MYO1F: variants seen among roughly 807,000 people sequenced by gnomAD.
MYO1F encodes myosin IF.
Under a neutral mutation model 146.6 loss-of-function variants are expected in MYO1F, and 60 were observed. The ratio of observed to expected loss-of-function variants is 0.41; its 90% CI spans 0.33 to 0.51. MYO1F has a LOEUF of 0.51. Ranked by LOEUF, MYO1F falls within the 20% of genes least tolerant of loss-of-function variation. MYO1F has a pLI of 0.25. For synonymous variants in MYO1F, 602 were observed against 602.1 expected (o/e 1.00, Z 0.00); for missense variants, 1,274 against 1,534.3 (o/e 0.83, Z 2.83).
intron 1 of MYO1F, among the ~76,000 whole-genome samples, chr19:8,556,887 C>CAAAAAAA (rs534645939): frequency 1.3e-4 from 9 of 69,156 alleles, no homozygotes; most frequent in Non-Finnish European, 3.2e-4. Flanking sequence ...AACTCTGTCT[C>CAAAAAAA]AAAAAAAAAA....
intron 16 of MYO1F, among the ~76,000 whole-genome samples, chr19:8,538,584 ATTTTTTTT>A (rs79984981): frequency 7.9e-6 from 1 of 126,518 alleles, no homozygotes; most frequent in Non-Finnish European, 1.7e-5. Context: ...TCCCGGTCTG[ATTTTTTTT>A]TTTTTTTTTT....
intron 1 of MYO1F, among the ~76,000 whole-genome samples, chr19:8,568,437 A>C (rs867876480): frequency 2.0e-5 from 3 of 150,572 alleles, no homozygotes; most frequent in African/African-American, 7.4e-5. Flanking sequence ...AAAAAAAAAA[A>C]AAAAAAAATT....
chr19:8,574,580 TC>T (rs1568380940), intron 1 of MYO1F, among the ~76,000 whole-genome samples: 135 of 82,100 alleles, frequency 1.6e-3, no homozygotes, highest in Middle Eastern at 9.9e-3. Context: ...TCTTTCTTTC[TC>T]TCTCTCTCTC....
intron 1 of MYO1F, among the ~76,000 whole-genome samples, chr19:8,573,675 C>A (rs12972649): frequency 6.6e-6 from 1 of 151,834 alleles, no homozygotes; most frequent in Non-Finnish European, 1.5e-5. Context: ...CATGGCGAAA[C>A]CCCGTCTCCA....
chr19:8,544,739 C>G (rs191983095), intron 13 of MYO1F, among the ~76,000 whole-genome samples: 103 of 152,142 alleles, frequency 6.8e-4, no homozygotes, highest in Non-Finnish European at 1.1e-3. Context: ...ATTCAGGCCC[C>G]AGACTAGAAT....
chr19:8,569,309 C>T (rs756735265), intron 1 of MYO1F, among the ~76,000 whole-genome samples: 11 of 152,114 alleles, frequency 7.2e-5, no homozygotes, highest in African/African-American at 2.2e-4. Flanking sequence ...CCTGCTGGAG[C>T]TCTTGTGAAA....
chr19:8,553,190 G>C lies in MYO1F; in HGVS notation c.453C>G (p.Leu151=), dbSNP rs778002010. Residue 151 remains leucine, a synonymous_variant, in exon 6 of 28, where the codon CTC becomes CTG. Coordinates refer to ENST00000644032, the MANE Select transcript of MYO1F (RefSeq NM_012335.4). ...CAGTCTTGGCGTTGCCGAAGGCCTC[G>C]AGCAGCGGGTTGGACTGCAGGATGA... ...KDIILQSNPL[L]EAFGNAKTVR... is the part of the protein sequence containing the mutation. The C allele has an allele frequency of 6.2e-7, 1 of 1,614,166 alleles. No individual in the cohort carries two copies. Among genetic ancestry groups the C allele is most frequent in the Non-Finnish European group, 8.5e-7 (1 of 1,180,044 alleles).
intron 2 of MYO1F, 71 bp from the exon 3 acceptor site, chr19:8,554,814 A>G: frequency 7.3e-7 from 1 of 1,372,270 alleles, no homozygotes; most frequent in Non-Finnish European, 1.0e-6. Flanking sequence ...TCCTGCCCCC[A>G]CCCAGGGCTT....
In MYO1F at chr19:8,537,019, A is replaced by C. The variant is rs776728492; in HGVS notation, c.1729T>G (p.Cys577Gly). The part of the protein sequence containing the change: ...ANDLVATLMR[C>G]TPHYIRCIKP... ...ATGCAGCGGATGTAGTGGGGTGTGCACCTCATCAGTGTGGCCACCAGGTCG... is the reference window on the plus strand; with the variant it reads ...ATGCAGCGGATGTAGTGGGGTGTGCCCCTCATCAGTGTGGCCACCAGGTCG... Residue 577 changes from cysteine (C) to glycine (G), a missense_variant, in exon 17 of 28, where the codon TGC (cysteine) becomes GGC (glycine). Cys to Gly is a radical substitution (Grantham distance 159, BLOSUM62 -3). Transcript: ENST00000644032. 1.9e-6 allele frequency: 3 copies of C among 1,610,690 alleles called. No homozygotes were observed. Among genetic ancestry groups the C allele is most frequent in the Non-Finnish European group, 2.5e-6 (3 of 1,179,214 alleles).
At chr19:8,574,080 G>A (rs73922154) in intron 1 of MYO1F, among the ~76,000 whole-genome samples, 4,488 of 152,050 alleles carry the variant, frequency 0.03, 227 homozygotes, top group African/African-American at 0.1. Flanking sequence ...AGCAACCACC[G>A]ATGGTCATCA....
At position 8,521,407 on chromosome 19, in the gene MYO1F, A is replaced by T; in HGVS notation, c.*121T>A. The T allele has an allele frequency of 9.4e-7, 1 of 1,062,594 alleles. No homozygotes were observed. The highest frequency in any genetic ancestry group is 2.0e-5 in the Admixed American group (1 of 50,794). 65.8% of individuals were successfully genotyped at this position (1,062,594 alleles called of 1,614,324 possible). A position where few individuals can be genotyped will look rare whatever the true frequency, so the allele number is the denominator to read the frequency against. On this transcript the variant is annotated 3_prime_UTR_variant, in exon 28 of 28. Coordinates refer to ENST00000644032, the MANE Select transcript of MYO1F (RefSeq NM_012335.4). ...CCTGGGCAGGACTGGAGGCCAAAGG[A>T]CTGGACTTTTAGGCTATTGCAGCCC...
In MYO1F at chr19:8,555,705, G is replaced by A. The variant is rs776771185; in HGVS notation, c.95C>T (p.Ala32Val). The A allele has an allele frequency of 2.5e-6, 4 of 1,614,048 alleles. No individual in the cohort carries two copies. The highest frequency in any genetic ancestry group is 2.5e-6 in the Non-Finnish European group (3 of 1,180,048). ...GCGCTTCCGGAGGTTGGCGGCAATGGCGTCTTCGGTGATCTGGGGAAGAAG... is the reference window on the plus strand; with the variant it reads ...GCGCTTCCGGAGGTTGGCGGCAATGACGTCTTCGGTGATCTGGGGAAGAAG... Reference protein sequence around the residue: ...MVLLPQITEDAIAANLRKRFM... With the variant: ...MVLLPQITEDVIAANLRKRFM... The change falls in exon 2 of 28, where the codon GCC becomes GTC. Residue 32 changes from alanine (A) to valine (V), a missense_variant. Physicochemically the swap from Ala to Val is moderately conservative, Grantham distance 64. Coordinates refer to ENST00000644032, the MANE Select transcript of MYO1F (RefSeq NM_012335.4).
intron 1 of MYO1F, among the ~76,000 whole-genome samples, chr19:8,570,967 G>A (rs1475316458): frequency 3.3e-5 from 5 of 152,176 alleles, no homozygotes; most frequent in African/African-American, 4.8e-5. Flanking sequence ...CAGATTCAAC[G>A]AAGCAAAGGT....
rs778653269 is a variant in MYO1F, at chr19:8,555,760, C to T, written c.40G>A (p.Val14Met). The change falls in exon 2 of 28, where the codon GTG becomes ATG. Residue 14 changes from valine to methionine, a missense_variant. This residue lies in a region of MYO1F where 900 missense variants were observed against 1,155.1 expected (regional missense o/e 0.78). Coordinates refer to ENST00000644032, the MANE Select transcript of MYO1F (RefSeq NM_012335.4). ...ATGTCATCCACGCCGCTCTGCTTCA[C>T]GTTGTGGCTCTGCCAGTGGAAGCGC... is the stretch of plus-strand genomic sequence containing the variant. ...KERFHWQSHN[V>M]KQSGVDDMVL... The T allele has an allele frequency of 5.6e-6, 9 of 1,614,014 alleles. No individual in the cohort carries two copies. Among genetic ancestry groups the T allele is most frequent in the South Asian group, 1.1e-5 (1 of 91,084 alleles).
chr19:8,539,936 C>T lies in MYO1F; in HGVS notation c.1692+11G>A. 2 of 1,612,404 alleles carry T rather than the reference C, an allele frequency of 1.2e-6. No individual in the cohort carries two copies. The highest frequency in any genetic ancestry group is 1.7e-6 in the Non-Finnish European group (2 of 1,179,210). ...GCAGGCCCAGCTCCCCGTTGTACAC[C>T]CCAGGCCCACCTTGATCTTGGAGCC... On this transcript the variant is annotated intron_variant, in intron 16 of 27. Transcript: ENST00000644032.
Position 8,568,422 on chromosome 19 carries a change from C to CAAA in MYO1F, c.3+8882_3+8884dup, listed in dbSNP as rs55833513. Among the ~76,000 whole-genome samples, 92 of 66,286 alleles carry CAAA rather than the reference C, an allele frequency of 1.4e-3. 5 individuals are homozygous for CAAA. Among genetic ancestry groups the CAAA allele is most frequent in the African/African-American group, 5.1e-3 (73 of 14,364 alleles). The allele number at this position is 66,286 out of a possible 152,430, so 43.5% of individuals were successfully genotyped here. A position where few individuals can be genotyped will look rare whatever the true frequency, so the allele number is the denominator to read the frequency against. ...TGGGTGAAAGAGTGAGACTCCGTCT[C>CAAA]AAAAAAAAAAAAAAAAAAAAAAATT... On this transcript the variant is annotated intron_variant, in intron 1 of 27. Transcript: ENST00000644032.
At chr19:8,556,230 A>G (rs1424849447) in intron 1 of MYO1F, among the ~76,000 whole-genome samples, 1 of 150,418 alleles carries the variant, frequency 6.6e-6, no homozygotes, top group African/African-American at 2.4e-5. Flanking sequence ...GGGTTTCACC[A>G]TGTTGGCCAG....
chr19:8,541,048 A>G (rs945122804), intron 15 of MYO1F, among the ~76,000 whole-genome samples: 5 of 151,838 alleles, frequency 3.3e-5, no homozygotes, highest in African/African-American at 1.2e-4. Flanking sequence ...CAGTGGTGCA[A>G]TCACGGCTCA....
chr19:8,522,189 A>AT (rs1443669054), intron 27 of MYO1F, among the ~76,000 whole-genome samples, 188 bp downstream of exon 27: 1 of 151,836 alleles, frequency 6.6e-6, no homozygotes, highest in African/African-American at 2.4e-5. Flanking sequence ...CGCCCGGCTA[A>AT]TTTTTTGTAT....
Sources: gnomAD v4.1 joint callset for allele counts (sites outside exome capture counted in the v4.1 genomes callset) on GRCh38, gnomAD v4.1.1 for gene constraint, gnomAD v4.1.1 regional missense constraint, MANE v1.5 for transcripts, NCBI Gene and HGNC (gene_info 2026-07-23, HGNC 2026-07-21) for gene names.